DNAH14: variants seen among roughly 807,000 people sequenced by gnomAD.
The protein encoded by DNAH14 is dynein axonemal heavy chain 14, also known as axonemal beta dynein heavy chain 14.
In DNAH14, 478 loss-of-function variants were observed where a neutral mutation model predicts 520.9. That is an observed-to-expected ratio of 0.92 (90% CI 0.85 to 0.99). The LOEUF is 0.99. Ranked by LOEUF, DNAH14 falls within the 50% of genes least tolerant of loss-of-function variation. The probability of loss-of-function intolerance (pLI) is 0.00; values close to 1 mark genes in which losing one functional copy is unlikely to be tolerated. For synonymous variants in DNAH14, 1,581 were observed against 1,757.2 expected (o/e 0.90, Z 2.51); for missense variants, 4,831 against 5,234.5 (o/e 0.92, Z 2.38).
rs577846312 is a variant in DNAH14 at position 225,196,890 on chromosome 1, T to A, written c.5886+3979T>A. 2.0e-5 allele frequency among the ~76,000 whole-genome samples: 3 copies of A among 152,274 alleles called. No individual in the cohort carries two copies. In the South Asian group the frequency reaches 6.2e-4, roughly 32 times the overall value. Reference sequence around the variant, plus strand: ...TTTTTTTCTTGCTAATTTGATGGTATTGTTTAGTTTTTTTCTTGCTAATTC... The same window carrying A: ...TTTTTTTCTTGCTAATTTGATGGTAATGTTTAGTTTTTTTCTTGCTAATTC... On this transcript the variant is annotated intron_variant, in intron 38 of 85. Transcript: ENST00000682510.
intron 10 of DNAH14, among the ~76,000 whole-genome samples, chr1:225,012,151 G>A (rs950229890): frequency 7.9e-5 from 12 of 152,072 alleles, no homozygotes; most frequent in African/African-American, 2.9e-4. Flanking sequence ...GCCTGGTGGT[G>A]ACAAAATCCC....
At chr1:225,004,484 T>C (rs2064014367) in intron 9 of DNAH14, among the ~76,000 whole-genome samples, 1 of 152,184 alleles carries the variant, frequency 6.6e-6, no homozygotes, top group Non-Finnish European at 1.5e-5. Flanking sequence ...AAATAAAGAA[T>C]ATAAATGTGA....
At chr1:225,267,458 T>A (rs2093160815) in intron 49 of DNAH14, among the ~76,000 whole-genome samples, 1 of 151,974 alleles carries the variant, frequency 6.6e-6, no homozygotes, top group Non-Finnish European at 1.5e-5. Context: ...CACGCCCAGC[T>A]AGTTTTTTGT....
chr1:225,256,865 C>A (rs1464004971), intron 44 of DNAH14, among the ~76,000 whole-genome samples: 2 of 151,606 alleles, frequency 1.3e-5, no homozygotes, highest in African/African-American at 4.8e-5. Context: ...AGGGACTTTA[C>A]AAATCAAAGT....
At chr1:225,083,206 A>T (rs1290865026) in intron 20 of DNAH14, among the ~76,000 whole-genome samples, 2 of 152,150 alleles carry the variant, frequency 1.3e-5, no homozygotes, top group Non-Finnish European at 2.9e-5. Flanking sequence ...TTATAAAAAT[A>T]TACTTTTTTC....
At chr1:225,149,718 G>A (rs2080300843) in intron 31 of DNAH14, among the ~76,000 whole-genome samples, 1 of 152,156 alleles carries the variant, frequency 6.6e-6, no homozygotes, top group Non-Finnish European at 1.5e-5. Context: ...CTCTTGGCAT[G>A]GCTGTTGTTG....
chr1:225,192,986 T>A, intron 38 of DNAH14, 75 bp downstream of exon 38: 1 of 1,120,584 alleles, frequency 8.9e-7, no homozygotes, highest in Non-Finnish European at 1.3e-6. Flanking sequence ...AGACTGATAT[T>A]AAAACATCAT....
chr1:225,087,811 C>A (rs912474228), intron 21 of DNAH14, among the ~76,000 whole-genome samples: 1 of 152,146 alleles, frequency 6.6e-6, no homozygotes, highest in Non-Finnish European at 1.5e-5. Context: ...TTCAGCAGAC[C>A]CAATCAATGA....
intron 56 of DNAH14, 63 bp from the exon 57 acceptor site, chr1:225,303,093 A>G (rs1237572303): frequency 1.7e-6 from 2 of 1,173,814 alleles, no homozygotes; most frequent in Non-Finnish European, 2.3e-6. Context: ...GGAATTTTTA[A>G]TATAATATTT....
intron 68 of DNAH14, among the ~76,000 whole-genome samples, chr1:225,339,738 G>C (rs1256191374): frequency 6.6e-6 from 1 of 152,118 alleles, no homozygotes; most frequent in African/African-American, 2.4e-5. Flanking sequence ...ATGTGATATG[G>C]GCAATTTGTT....
At chr1:225,365,794 G>T (rs992619163) in intron 76 of DNAH14, among the ~76,000 whole-genome samples, 3 of 152,036 alleles carry the variant, frequency 2.0e-5, no homozygotes, top group African/African-American at 7.2e-5. Flanking sequence ...GAGGTACTGG[G>T]GGTAGGGGAA....
At chr1:225,163,676 G>C (rs1030632207) in intron 35 of DNAH14, among the ~76,000 whole-genome samples, 27 of 152,192 alleles carry the variant, frequency 1.8e-4, no homozygotes, top group African/African-American at 6.0e-4. Flanking sequence ...GTAATATGTT[G>C]AACTATTTTT....
chr1:225,065,439 C>CAA (rs1342470208), intron 17 of DNAH14, among the ~76,000 whole-genome samples: 1 of 143,944 alleles, frequency 6.9e-6, no homozygotes. Context: ...CAATGCATCT[C>CAA]AAAAAAAAAA....
At chr1:225,131,707 T>G (rs1208429308) in intron 27 of DNAH14, among the ~76,000 whole-genome samples, 2 of 152,188 alleles carry the variant, frequency 1.3e-5, no homozygotes, top group African/African-American at 4.8e-5. Flanking sequence ...GCCTACTACA[T>G]GCATATTTGC....
At chr1:225,259,095 C>A in intron 45 of DNAH14, 26 bp from the exon 46 acceptor site, 1 of 1,533,072 alleles carries the variant, frequency 6.5e-7, no homozygotes, top group South Asian at 1.2e-5. Flanking sequence ...GCATATACAT[C>A]TAACCTTGTG....
chr1:225,065,049 A>G (rs2070692182), intron 17 of DNAH14, among the ~76,000 whole-genome samples: 1 of 151,946 alleles, frequency 6.6e-6, no homozygotes, highest in African/African-American at 2.4e-5. Context: ...CTTACCTAGA[A>G]TGGTTGTGGA....
At chr1:225,148,661 A>T (rs952489513) in intron 31 of DNAH14, among the ~76,000 whole-genome samples, 13 of 152,082 alleles carry the variant, frequency 8.5e-5, no homozygotes, top group African/African-American at 3.1e-4. Flanking sequence ...TGGCCTCTCA[A>T]AGTGCTGGGA....
Position 225,082,613 on chromosome 1 carries a change from G to T in DNAH14, c.3201G>T (p.Leu1067=), listed in dbSNP as rs1433832635. ...TGGTAACAGAGTTTAAACAAGAGCT[G>T]CCTATCATTATAGCTCTGGGAAATC... ...KQVVTEFKQE[L]PIIIALGNPC... Residue 1067 remains leucine, a synonymous_variant, in exon 20 of 86, where the codon CTG becomes CTT. Coordinates refer to ENST00000682510, the MANE Select transcript of DNAH14 (RefSeq NM_001367479.1). 6.4e-7 allele frequency: 1 copy of T among 1,551,624 alleles called. No homozygotes were observed. The highest frequency in any genetic ancestry group is 2.4e-5 in the East Asian group (1 of 40,882).
chr1:225,042,489 A>G (rs555882281), intron 12 of DNAH14, among the ~76,000 whole-genome samples: 2 of 152,166 alleles, frequency 1.3e-5, no homozygotes, highest in Non-Finnish European at 2.9e-5. Flanking sequence ...GAGCTTGTAG[A>G]TGATTAAGAG....
Sources: gnomAD v4.1 joint callset for allele counts (sites outside exome capture counted in the v4.1 genomes callset) on GRCh38, gnomAD v4.1.1 for gene constraint, MANE v1.5 for transcripts, NCBI Gene and HGNC (gene_info 2026-07-23, HGNC 2026-07-21) for gene names.